The following ZNF451 variants were observed in gnomAD, a reference collection of about 807,000 sequenced individuals.
The protein encoded by ZNF451 is E3 SUMO-protein ligase ZNF451.
Under a neutral mutation model 107.1 loss-of-function variants are expected in ZNF451, and 80 were observed. That is an observed-to-expected ratio of 0.75 (90% confidence interval 0.62 to 0.90). The LOEUF (loss-of-function observed/expected upper bound fraction) is 0.90. ZNF451 is among the 40% of genes least tolerant of loss of function. The pLI is 0.00. For synonymous variants in ZNF451, 362 were observed against 406.5 expected, an observed-to-expected ratio of 0.89 and a Z score of 1.32; for missense variants, 1,107 against 1,236.2, an observed-to-expected ratio of 0.90 and a Z score of 1.57.
At chr6:57,135,529 T>C (rs1373325854) in intron 7 of ZNF451, among the ~76,000 whole-genome samples, 2 of 152,156 alleles carry the variant, frequency 1.3e-5, no homozygotes, top group African/African-American at 2.4e-5. Flanking sequence ...GATTTTGATA[T>C]ATGTGTTTTT....
intron 3 of ZNF451, chr6:57,105,181 T>G: frequency 1.0e-6 from 1 of 985,238 alleles, no homozygotes; most frequent in East Asian, 1.1e-4. Flanking sequence ...GGCCAACCTC[T>G]AACGTTTAAA....
At chr6:57,124,382 G>A (rs1475765075) in intron 3 of ZNF451, 1 of 709,460 alleles carries the variant, frequency 1.4e-6, no homozygotes, top group Non-Finnish European at 2.6e-6. Flanking sequence ...TTCTGCTTTA[G>A]TAAGTCGATG....
intron 3 of ZNF451, chr6:57,105,073 A>C: frequency 1.0e-6 from 1 of 985,446 alleles, no homozygotes; most frequent in Non-Finnish European, 1.2e-6. Context: ...GATTTGGTCT[A>C]GGGAGATTAC....
Position 57,102,001 on chromosome 6 carries a change from G to A in ZNF451, c.186+2860G>A. 3.2e-6 allele frequency: 5 copies of A among 1,550,458 alleles called. No homozygotes were observed. In the South Asian group the frequency reaches 4.8e-5, roughly 15 times the overall value. On this transcript the variant is annotated intron_variant, in intron 3 of 14. Coordinates refer to ENST00000370706, the MANE Select transcript of ZNF451 (RefSeq NM_001031623.3). ...TCAGAAAGCACATTATCACAATAGAGGATACTCCAAAGGGGATTGGTACAA... is the reference window on the plus strand; with the variant it reads ...TCAGAAAGCACATTATCACAATAGAAGATACTCCAAAGGGGATTGGTACAA...
chr6:57,107,335 A>G lies in ZNF451; in HGVS notation c.186+8194A>G, dbSNP rs142129731. ...GATTTTGATGTGGCTTTGTATTTGT[A>G]TATTTAAATACCATGTCTTTAAAGC... On this transcript the variant is annotated intron_variant, in intron 3 of 14. Coordinates refer to ENST00000370706, the MANE Select transcript of ZNF451 (RefSeq NM_001031623.3). 802 of 984,416 alleles carry G rather than the reference A, an allele frequency of 8.1e-4. 2 individuals carry two copies. The African/African-American group carries it at 0.011, about 13-fold the overall frequency. 61.0% of individuals were successfully genotyped at this position (984,416 alleles called of 1,614,324 possible).
intron 3 of ZNF451, chr6:57,101,388 G>A (rs1342523827): frequency 1.3e-6 from 2 of 1,550,566 alleles, no homozygotes; most frequent in Admixed American, 2.0e-5. Flanking sequence ...CTTCCTTCAT[G>A]GGACACAGGG....
chr6:57,119,669 C>G (rs1830542221), intron 3 of ZNF451, among the ~76,000 whole-genome samples: 1 of 152,166 alleles, frequency 6.6e-6, no homozygotes, highest in African/African-American at 2.4e-5. Flanking sequence ...CCCACCCCTC[C>G]ATGCAAAACC....
At chr6:57,100,709 G>T (rs1441371629) in intron 3 of ZNF451, 1 of 1,550,466 alleles carries the variant, frequency 6.4e-7, no homozygotes, top group Admixed American at 2.0e-5. Flanking sequence ...TTCTCTGGGA[G>T]TTGTTCCAGC....
intron 7 of ZNF451, among the ~76,000 whole-genome samples, chr6:57,136,587 A>G (rs1418163993): frequency 6.6e-6 from 1 of 152,130 alleles, no homozygotes; most frequent in East Asian, 1.9e-4. Flanking sequence ...GAAGGAAGGG[A>G]AAAAGGGTGA....
chr6:57,099,440 T>C, intron 3 of ZNF451: 1 of 716,208 alleles, frequency 1.4e-6, no homozygotes, highest in Non-Finnish European at 2.6e-6. Context: ...GATTCCTCTT[T>C]CCCTTCTCTT....
At chr6:57,092,224 G>A (rs1235235740) in intron 2 of ZNF451, among the ~76,000 whole-genome samples, 3 of 152,074 alleles carry the variant, frequency 2.0e-5, no homozygotes, top group African/African-American at 4.8e-5. Flanking sequence ...TGAGAAACAC[G>A]AGTAGCATCT....
chr6:57,168,548 G>A lies in ZNF451; in HGVS notation c.*79G>A. ...ATTCTTGAGTTTGTTTTCTAAAGGA[G>A]ACCAGAAATCCACTATTACAAATGT... On this transcript the variant is annotated 3_prime_UTR_variant, in exon 15 of 15. Transcript: ENST00000370706. 8.9e-7 allele frequency: 1 copy of A among 1,123,560 alleles called. No homozygotes were observed. Among genetic ancestry groups the A allele is most frequent in the African/African-American group, 1.6e-5 (1 of 63,970 alleles). The allele number at this position is 1,123,560 out of a possible 1,614,324, so 69.6% of individuals were successfully genotyped here. A position where few individuals can be genotyped will look rare whatever the true frequency, so the allele number is the denominator to read the frequency against.
At position 57,148,259 on chromosome 6, in the gene ZNF451, G is replaced by T. The variant is rs142125848; in HGVS notation, c.2174G>T (p.Arg725Leu). Residue 725 changes from arginine (R) to leucine (L), a missense_variant, in exon 10 of 15, where the codon CGT becomes CTT. Coordinates refer to ENST00000370706, the MANE Select transcript of ZNF451 (RefSeq NM_001031623.3). ...ETSNQLTCGC[R>L]ESYICKVNRK... ...AGTAACCAGTTAACTTGTGGTTGCC[G>T]TGAGAGTTACATCTGTAAAGTCAAC... 2.9e-4 allele frequency: 475 copies of T among 1,613,862 alleles called. No homozygotes were observed. Among genetic ancestry groups the T allele is most frequent in the Non-Finnish European group, 3.9e-4 (456 of 1,179,898 alleles).
At position 57,141,968 on chromosome 6, in the gene ZNF451, C is replaced by T; in HGVS notation, c.877C>T (p.Pro293Ser). 6.2e-7 allele frequency: 1 copy of T among 1,613,832 alleles called. No homozygotes were observed. Among genetic ancestry groups the T allele is most frequent in the Non-Finnish European group, 8.5e-7 (1 of 1,179,850 alleles). ...TTCAGATAACAAAGGAATTGCACAT[C>T]CAATATCTTTCCCATCTTTTGCAAA... ...KLGDNKGIAH[P>S]ISFPSFAKKL... Residue 293 changes from proline to serine, a missense_variant, in exon 9 of 15, where the codon CCA becomes TCA. This residue lies in a region of ZNF451 where 339 missense variants were observed against 372.8 expected (regional missense o/e 0.91). Coordinates refer to ENST00000370706, the MANE Select transcript of ZNF451 (RefSeq NM_001031623.3).
chr6:57,135,964 G>A (rs1831406903), intron 7 of ZNF451, among the ~76,000 whole-genome samples: 1 of 152,164 alleles, frequency 6.6e-6, no homozygotes, highest in Non-Finnish European at 1.5e-5. Context: ...TGGATTCTGT[G>A]TAGGTTCACA....
At chr6:57,163,729 C>T (rs987905691) in intron 14 of ZNF451, among the ~76,000 whole-genome samples, 28 of 151,968 alleles carry the variant, frequency 1.8e-4, no homozygotes, top group African/African-American at 6.3e-4. Flanking sequence ...GGATTACAGG[C>T]GTGAGCCACC....
In ZNF451 at chr6:57,133,860, GA is replaced by G. The variant is rs1397347889; in HGVS notation, c.575+669del. Among the ~76,000 whole-genome samples the G allele has an allele frequency of 6.6e-5, 10 of 152,228 alleles. 1 individual carries two copies. In the East Asian group the frequency reaches 1.6e-3, roughly 24 times the overall value. On this transcript the variant is annotated intron_variant, in intron 6 of 14. Transcript: ENST00000370706. ...CCAGCTAATTTTTGTATTTTTTGCA[GA>G]GACGTGGCTCTGCCATGTTGCCCAA...
In ZNF451 at chr6:57,148,463, C is replaced by A. The variant is rs761519049; in HGVS notation, c.2378C>A (p.Thr793Asn). The change falls in exon 10 of 15, where the codon ACC becomes AAC. Residue 793 changes from threonine (T) to asparagine (N), a missense_variant. Coordinates refer to ENST00000370706, the MANE Select transcript of ZNF451 (RefSeq NM_001031623.3). ...CAGCAGTATGTAATCAAGTGTGGCA[C>A]CTGCACCAAAGCATTTCATGATCCT... ...EEQQYVIKCGTCTKAFHDPES... is the reference protein window; with the variant it reads ...EEQQYVIKCGNCTKAFHDPES... 6.2e-7 allele frequency: 1 copy of A among 1,613,962 alleles called. No homozygotes were observed. Among genetic ancestry groups the A allele is most frequent in the Admixed American group, 1.7e-5 (1 of 59,990 alleles).
intron 5 of ZNF451, among the ~76,000 whole-genome samples, chr6:57,132,514 G>GT (rs1283448579): frequency 6.6e-6 from 1 of 152,174 alleles, no homozygotes; most frequent in African/African-American, 2.4e-5. Context: ...CAGGCCAGGA[G>GT]TTTGAGACCA....
Sources: allele counts gnomAD v4.1 joint callset (sites outside exome capture counted in the v4.1 genomes callset), GRCh38; gene constraint gnomAD v4.1.1; regional missense constraint gnomAD v4.1.1; transcripts MANE v1.5; gene names NCBI Gene and HGNC (gene_info 2026-07-23, HGNC 2026-07-21).